TCF12: variants seen among roughly 807,000 people sequenced by gnomAD.
TCF12 encodes DNA-binding protein HTF4.
In TCF12, 45 loss-of-function variants were observed where a neutral mutation model predicts 86.0. The observed-to-expected ratio is 0.52, with a 90% CI of 0.41 to 0.67. The LOEUF (loss-of-function observed/expected upper bound fraction) is 0.67, where lower values mean the gene tolerates loss of function less well. TCF12 is among the 30% of genes least tolerant of loss of function. The pLI is 0.00. For synonymous variants in TCF12, 330 were observed against 299.6 expected, an observed-to-expected ratio of 1.10 and a Z score of -1.05; for missense variants, 881 against 859.9, an observed-to-expected ratio of 1.02 and a Z score of -0.31.
chr15:57,226,730 T>C (rs2058899585), intron 8 of TCF12, among the ~76,000 whole-genome samples: 1 of 152,154 alleles, frequency 6.6e-6, no homozygotes, highest in Admixed American at 6.5e-5. Context: ...CACATAAGAA[T>C]TCTAGAATAT....
At chr15:57,055,765 T>C (rs2067971674) in intron 3 of TCF12, among the ~76,000 whole-genome samples, 1 of 152,216 alleles carries the variant, frequency 6.6e-6, no homozygotes, top group South Asian at 2.1e-4. Flanking sequence ...GTTGTGTCTA[T>C]GTATGGTTTT....
chr15:56,976,144 G>A (rs1328100434), intron 3 of TCF12, among the ~76,000 whole-genome samples: 1 of 151,128 alleles, frequency 6.6e-6, no homozygotes, highest in Non-Finnish European at 1.5e-5. Flanking sequence ...GAAAATGGAA[G>A]GAAAGAATTG....
At chr15:57,005,451 A>G (rs1037309300) in intron 3 of TCF12, among the ~76,000 whole-genome samples, 12 of 152,326 alleles carry the variant, frequency 7.9e-5, no homozygotes, top group African/African-American at 1.9e-4. Flanking sequence ...CCTTCCTTCA[A>G]CTGTCTCCCA....
At chr15:56,977,286 ACT>A (rs1320485195) in intron 3 of TCF12, among the ~76,000 whole-genome samples, 1 of 152,044 alleles carries the variant, frequency 6.6e-6, no homozygotes, top group Non-Finnish European at 1.5e-5. Context: ...TAATCCTAGC[ACT>A]TTGGGAGGCC....
At chr15:57,026,179 A>G (rs2065815275) in intron 3 of TCF12, among the ~76,000 whole-genome samples, 1 of 152,244 alleles carries the variant, frequency 6.6e-6, no homozygotes, top group Admixed American at 6.5e-5. Context: ...GCAAGCAGCC[A>G]TAGACAATAT....
chr15:56,989,674 C>T (rs574851204), intron 3 of TCF12, among the ~76,000 whole-genome samples: 20 of 152,282 alleles, frequency 1.3e-4, no homozygotes, highest in Non-Finnish European at 2.5e-4. Flanking sequence ...AATCAGTTTG[C>T]TGGTTTCTAG....
chr15:56,949,138 A>C (rs1405158907), intron 3 of TCF12, among the ~76,000 whole-genome samples: 1 of 152,218 alleles, frequency 6.6e-6, no homozygotes, highest in African/African-American at 2.4e-5. Context: ...AATTGTTTTA[A>C]ATGTTTATGT....
intron 5 of TCF12, among the ~76,000 whole-genome samples, chr15:57,106,596 G>A (rs1220085024): frequency 6.6e-6 from 1 of 152,162 alleles, no homozygotes; most frequent in Non-Finnish European, 1.5e-5. Context: ...TTATTGCCAT[G>A]TGCATGTAAA....
At chr15:56,936,021 C>G (rs1235330303) in intron 3 of TCF12, among the ~76,000 whole-genome samples, 8 of 152,144 alleles carry the variant, frequency 5.3e-5, no homozygotes, top group African/African-American at 1.9e-4. Context: ...AATGGGATTG[C>G]TGGATCAAAT....
intron 3 of TCF12, among the ~76,000 whole-genome samples, chr15:56,968,645 T>G (rs1292522192): frequency 6.6e-6 from 1 of 152,238 alleles, no homozygotes; most frequent in Admixed American, 6.5e-5. Flanking sequence ...ATGACAAGAC[T>G]AAGAGACAGT....
intron 4 of TCF12, among the ~76,000 whole-genome samples, chr15:57,076,542 A>G (rs1359690477): frequency 6.6e-6 from 1 of 151,856 alleles, no homozygotes; most frequent in African/African-American, 2.4e-5. Context: ...AGTCCCAGCT[A>G]CTGGGGAGGC....
chr15:57,120,716 T>C (rs1328894529), intron 5 of TCF12, among the ~76,000 whole-genome samples: 4 of 152,252 alleles, frequency 2.6e-5, no homozygotes, highest in African/African-American at 4.8e-5. Flanking sequence ...TCTCCTAAAA[T>C]GTTTTTGGTA....
At chr15:57,146,935 G>A (rs1395170404) in intron 5 of TCF12, among the ~76,000 whole-genome samples, 2 of 152,298 alleles carry the variant, frequency 1.3e-5, no homozygotes, top group African/African-American at 4.8e-5. Context: ...CCTCTGTTAG[G>A]CAGAAATGAG....
chr15:57,094,249 A>G (rs1489178720), intron 5 of TCF12, among the ~76,000 whole-genome samples: 17 of 152,216 alleles, frequency 1.1e-4, no homozygotes, highest in Admixed American at 1.1e-3. Flanking sequence ...ACTTATACAT[A>G]AAAGAAGGAG....
intron 4 of TCF12, among the ~76,000 whole-genome samples, chr15:57,087,429 T>G (rs867355232): frequency 6.8e-6 from 1 of 146,750 alleles, no homozygotes; most frequent in Non-Finnish European, 1.5e-5. Context: ...AAAAAAAAAT[T>G]TATATATATA....
intron 8 of TCF12, among the ~76,000 whole-genome samples, chr15:57,225,219 G>GTTT (rs1360494654): frequency 4.2e-5 from 3 of 70,848 alleles, no homozygotes; most frequent in African/African-American, 7.7e-5. Flanking sequence ...ACTGATATAT[G>GTTT]CTTTTTTTTT....
intron 5 of TCF12, among the ~76,000 whole-genome samples, chr15:57,131,160 A>G (rs1025528153): frequency 6.6e-6 from 1 of 152,232 alleles, no homozygotes; most frequent in Admixed American, 6.5e-5. Flanking sequence ...TGGAATCAAA[A>G]AAGAGAAAAT....
chr15:57,143,442 T>A (rs1476505449), intron 5 of TCF12, among the ~76,000 whole-genome samples: 1 of 152,204 alleles, frequency 6.6e-6, no homozygotes, highest in Non-Finnish European at 1.5e-5. Flanking sequence ...AACTTTTATG[T>A]AAGCTTGGGA....
chr15:57,002,540 C>A (rs1288946920), intron 3 of TCF12, among the ~76,000 whole-genome samples: 1 of 152,018 alleles, frequency 6.6e-6, no homozygotes, highest in Admixed American at 6.5e-5. Flanking sequence ...TAATTGACTC[C>A]TTCTGTATTT....
Sources: allele counts gnomAD v4.1 joint callset (sites outside exome capture counted in the v4.1 genomes callset), GRCh38; gene constraint gnomAD v4.1.1; transcripts MANE v1.5; gene names NCBI Gene and HGNC (gene_info 2026-07-23, HGNC 2026-07-21).